Variants in TNRC6B observed in about 807,000 individuals in gnomAD.
TNRC6B encodes trinucleotide repeat containing adaptor 6B.
TNRC6B carries 52 observed loss-of-function variants against 203.6 expected under a neutral mutation model. The ratio of observed to expected loss-of-function variants is 0.26; its 90% CI spans 0.20 to 0.32. The LOEUF (loss-of-function observed/expected upper bound fraction) is 0.32. TNRC6B is among the 10% of genes least tolerant of loss of function. The pLI, the probability that TNRC6B is intolerant of heterozygous loss-of-function variation, is 1.00. For synonymous variants in TNRC6B, 838 were observed against 845.7 expected (o/e 0.99, Z 0.16); for missense variants, 1,923 against 2,286.2 (o/e 0.84, Z 3.24).
At chr22:40,289,322 AC>A (rs1210829591) in intron 12 of TNRC6B, among the ~76,000 whole-genome samples, 1 of 152,090 alleles carries the variant, frequency 6.6e-6, no homozygotes, top group East Asian at 1.9e-4. Context: ...GAACAAACAA[AC>A]ACTGGAAGTA....
intron 4 of TNRC6B, 50 bp downstream of exon 4, chr22:40,262,223 A>T (rs1227721027): frequency 7.5e-7 from 1 of 1,326,372 alleles, no homozygotes; most frequent in African/African-American, 1.5e-5. Flanking sequence ...GAGAGAGAGC[A>T]CTTTGTTTGC....
intron 3 of TNRC6B, among the ~76,000 whole-genome samples, chr22:40,136,252 C>G (rs764719658): frequency 2.8e-4 from 42 of 152,152 alleles, no homozygotes; most frequent in Admixed American, 1.4e-3. Flanking sequence ...TTCTGTAGCT[C>G]TAGACTTGAA....
chr22:40,275,105 C>T (rs1177559125), intron 7 of TNRC6B, among the ~76,000 whole-genome samples: 2 of 152,190 alleles, frequency 1.3e-5, no homozygotes, highest in Admixed American at 1.3e-4. Flanking sequence ...TTGTAGATGA[C>T]TCTTTCTTTT....
chr22:40,165,841 A>G (rs962437989), intron 4 of TNRC6B, among the ~76,000 whole-genome samples: 5 of 152,180 alleles, frequency 3.3e-5, no homozygotes, highest in Admixed American at 6.5e-5. Context: ...CCCATGATTC[A>G]GTTACCTCCC....
intron 15 of TNRC6B, among the ~76,000 whole-genome samples, chr22:40,306,157 G>A (rs146441439): frequency 1.3e-5 from 2 of 152,256 alleles, no homozygotes; most frequent in East Asian, 3.9e-4. Context: ...AGCGAGTGTG[G>A]TGGCAGGCAC....
chr22:40,092,017 C>G (rs1158793760), intron 1 of TNRC6B, among the ~76,000 whole-genome samples: 1 of 152,130 alleles, frequency 6.6e-6, no homozygotes, highest in Non-Finnish European at 1.5e-5. Flanking sequence ...ATATGTCTCA[C>G]AAATAAAATT....
intron 1 of TNRC6B, among the ~76,000 whole-genome samples, chr22:40,087,713 G>A (rs2068112358): frequency 1.3e-5 from 2 of 152,180 alleles, no homozygotes; most frequent in South Asian, 4.1e-4. Context: ...GGCTAGCTAT[G>A]TGTGAAGGTC....
chr22:40,188,608 C>CA (rs1227910784), intron 1 of TNRC6B, among the ~76,000 whole-genome samples: 1 of 152,110 alleles, frequency 6.6e-6, no homozygotes, highest in African/African-American at 2.4e-5. Context: ...TCAGTTGCTG[C>CA]CTCTTCTTGC....
chr22:40,308,726 G>A (rs2071129464), intron 16 of TNRC6B, 77 bp downstream of exon 16: 1 of 1,489,420 alleles, frequency 6.7e-7, no homozygotes, highest in African/African-American at 1.4e-5. Flanking sequence ...CTATTTTGAA[G>A]TACAGAACTT....
chr22:40,120,343 A>C (rs534722558), intron 2 of TNRC6B, among the ~76,000 whole-genome samples: 1 of 152,008 alleles, frequency 6.6e-6, no homozygotes, highest in East Asian at 1.9e-4. Flanking sequence ...CTCAAAAAAA[A>C]AAAAAAAATA....
chr22:40,147,068 G>T (rs1297857208), intron 3 of TNRC6B, among the ~76,000 whole-genome samples: 1 of 152,168 alleles, frequency 6.6e-6, no homozygotes, highest in Non-Finnish European at 1.5e-5. Flanking sequence ...AGGGTGAATG[G>T]ATAAACAAAA....
chr22:40,302,111 A>G (rs1461545223), intron 15 of TNRC6B, among the ~76,000 whole-genome samples: 1 of 152,254 alleles, frequency 6.6e-6, no homozygotes, highest in African/African-American at 2.4e-5. Flanking sequence ...ATAGAATTAG[A>G]ACAAGTAAGG....
At chr22:40,294,073 C>CAAAA (rs11354611) in intron 12 of TNRC6B, among the ~76,000 whole-genome samples, 14 of 80,280 alleles carry the variant, frequency 1.7e-4, no homozygotes, top group African/African-American at 2.0e-4. Context: ...CCCATCTCTA[C>CAAAA]AAAAAAAAAA....
intron 15 of TNRC6B, among the ~76,000 whole-genome samples, chr22:40,302,505 C>T (rs1006413143): frequency 4.6e-5 from 7 of 152,036 alleles, no homozygotes; most frequent in Non-Finnish European, 7.4e-5. Context: ...TTGTGGCATG[C>T]GCCTCTAATC....
chr22:40,156,376 T>C (rs760653357), intron 4 of TNRC6B, among the ~76,000 whole-genome samples: 1 of 152,226 alleles, frequency 6.6e-6, no homozygotes, highest in Non-Finnish European at 1.5e-5. Flanking sequence ...AAGTTAGCGT[T>C]ACAGTTTTTC....
At chr22:40,044,998 G>C (rs1045346672) in exon 1 of TNRC6B, 2 of 150,704 alleles carry the variant, frequency 1.3e-5, no homozygotes, top group Non-Finnish European at 3.0e-5. Context: ...ACGGCTCGGC[G>C]GTGAGTGAGG....
chr22:40,288,281 C>A (rs1370255639), intron 12 of TNRC6B, among the ~76,000 whole-genome samples: 1 of 140,492 alleles, frequency 7.1e-6, no homozygotes, highest in East Asian at 2.2e-4. Context: ...GGTCTCCAGT[C>A]TTCTGTGACA....
intron 3 of TNRC6B, among the ~76,000 whole-genome samples, chr22:40,153,082 C>T (rs1288963437): frequency 6.6e-6 from 1 of 152,066 alleles, no homozygotes; most frequent in East Asian, 1.9e-4. Flanking sequence ...GCCTGGGCAA[C>T]AGAACGAGAC....
At chr22:40,054,832 G>T (rs538249535) in intron 1 of TNRC6B, among the ~76,000 whole-genome samples, 2 of 151,504 alleles carry the variant, frequency 1.3e-5, no homozygotes, top group African/African-American at 4.8e-5. Flanking sequence ...GAGTCCAGGA[G>T]TTCGAGACCA....
Sources: gnomAD v4.1 joint callset for allele counts (sites outside exome capture counted in the v4.1 genomes callset) on GRCh38, gnomAD v4.1.1 for gene constraint, MANE v1.5 for transcripts, NCBI Gene and HGNC (gene_info 2026-07-23, HGNC 2026-07-21) for gene names.